The following STAB2 variants were observed in gnomAD, a reference collection of about 807,000 sequenced individuals.
The protein encoded by STAB2 is stabilin-2.
Under a neutral mutation model 338.1 loss-of-function variants are expected in STAB2, and 288 were observed. The ratio of observed to expected loss-of-function variants is 0.85; its 90% CI spans 0.77 to 0.94. The LOEUF is 0.94. Among genes scored for constraint, STAB2 ranks in the 40% least tolerant of loss-of-function variants. The pLI is 0.00. For synonymous variants in STAB2, 1,202 were observed against 1,193.3 expected (o/e 1.01, Z -0.15); for missense variants, 3,141 against 3,210.1 (o/e 0.98, Z 0.52).
At chr12:103,661,193 G>A (rs1874575429) in intron 17 of STAB2, among the ~76,000 whole-genome samples, 1 of 140,460 alleles carries the variant, frequency 7.1e-6, no homozygotes, top group South Asian at 2.4e-4. Context: ...AATTGGACAG[G>A]GATCAGTAGA....
chr12:103,719,508 CTG>C (rs991508661), intron 44 of STAB2, among the ~76,000 whole-genome samples: 1 of 152,208 alleles, frequency 6.6e-6, no homozygotes, highest in African/African-American at 2.4e-5. Flanking sequence ...TCTGAAGGCT[CTG>C]TGGGAAAATC....
At chr12:103,742,676 C>T (rs1260992069) in intron 56 of STAB2, 122 bp downstream of exon 56, 1 of 1,455,120 alleles carries the variant, frequency 6.9e-7, no homozygotes, top group Non-Finnish European at 9.4e-7. Flanking sequence ...CACACCCCTC[C>T]AATCTGCCTG....
chr12:103,620,554 G>GT lies in STAB2; in HGVS notation c.417+2dup. 6.4e-7 allele frequency: 1 copy of GT among 1,559,332 alleles called. No individual in the cohort carries two copies. The highest frequency in any genetic ancestry group is 8.7e-7 in the Non-Finnish European group (1 of 1,150,646). ...AGGAAATGGAACCTGCTCCTGCCAAGTAAGTTCAAAAATGTGTTCTTCCTT... is the reference window on the plus strand; with the variant it reads ...AGGAAATGGAACCTGCTCCTGCCAAGTTAAGTTCAAAAATGTGTTCTTCCTT... On this transcript the variant is annotated splice_donor_variant, in intron 4 of 68. Transcript: ENST00000388887. LOFTEE classifies it high-confidence loss of function.
At chr12:103,629,518 T>TGCTG (rs762462225) in intron 5 of STAB2, among the ~76,000 whole-genome samples, 11 of 152,338 alleles carry the variant, frequency 7.2e-5, no homozygotes, top group Admixed American at 1.3e-4. Context: ...AAGAAAGTGC[T>TGCTG]GCTGGAGCCA....
At chr12:103,709,969 C>T (rs377214207) in intron 39 of STAB2, among the ~76,000 whole-genome samples, 1 of 152,138 alleles carries the variant, frequency 6.6e-6, no homozygotes, top group Non-Finnish European at 1.5e-5. Context: ...GCTTCCATAC[C>T]TCCTTGTCCC....
chr12:103,667,436 G>A (rs566120076), intron 19 of STAB2, among the ~76,000 whole-genome samples: 32 of 152,300 alleles, frequency 2.1e-4, no homozygotes, highest in African/African-American at 3.6e-4. Context: ...GCAAGGAAAC[G>A]TAAACCACCT....
At chr12:103,641,928 G>A (rs1356096531) in intron 9 of STAB2, among the ~76,000 whole-genome samples, 2 of 152,074 alleles carry the variant, frequency 1.3e-5, no homozygotes, top group Non-Finnish European at 2.9e-5. Context: ...AGTTCATCTG[G>A]GATAAAAATT....
At chr12:103,665,493 G>A (rs1046483645) in intron 18 of STAB2, among the ~76,000 whole-genome samples, 1 of 152,144 alleles carries the variant, frequency 6.6e-6, no homozygotes, top group African/African-American at 2.4e-5. Flanking sequence ...ACTGCAACTA[G>A]GGACCAAAGA....
intron 3 of STAB2, among the ~76,000 whole-genome samples, chr12:103,607,218 T>G (rs374050116): frequency 4.1e-4 from 62 of 152,262 alleles, no homozygotes; most frequent in African/African-American, 1.4e-3. Flanking sequence ...TTTGGAAATT[T>G]TGGCCACATT....
chr12:103,592,968 T>C (rs1956822420), intron 2 of STAB2, among the ~76,000 whole-genome samples: 1 of 152,212 alleles, frequency 6.6e-6, no homozygotes, highest in African/African-American at 2.4e-5. Flanking sequence ...TCCTCTAGGT[T>C]CATCCATGTT....
At chr12:103,625,985 AG>A (rs1455068469) in intron 5 of STAB2, among the ~76,000 whole-genome samples, 2 of 152,284 alleles carry the variant, frequency 1.3e-5, no homozygotes, top group Admixed American at 6.5e-5. Flanking sequence ...ACAGTGTAAA[AG>A]TGTTCCTATT....
At chr12:103,722,320 C>T (rs1165116673) in intron 44 of STAB2, among the ~76,000 whole-genome samples, 1 of 152,162 alleles carries the variant, frequency 6.6e-6, no homozygotes, top group African/African-American at 2.4e-5. Context: ...GAAAATGTTT[C>T]AAGAGGAGTG....
intron 20 of STAB2, 83 bp downstream of exon 20, chr12:103,668,812 C>A: frequency 7.7e-7 from 1 of 1,301,150 alleles, no homozygotes; most frequent in Non-Finnish European, 1.0e-6. Flanking sequence ...CTAGGGTCCA[C>A]GTGGTCACAG....
chr12:103,602,882 A>T (rs79205010), intron 3 of STAB2, among the ~76,000 whole-genome samples: 4,001 of 152,262 alleles, frequency 0.026, 92 homozygotes, highest in Non-Finnish European at 0.036. Context: ...AAGAGAAAAC[A>T]TTCTTAATTT....
At chr12:103,697,606 C>T (rs1878514105) in intron 33 of STAB2, among the ~76,000 whole-genome samples, 3 of 152,196 alleles carry the variant, frequency 2.0e-5, no homozygotes, top group Admixed American at 6.5e-5. Flanking sequence ...TTCCTCCCTC[C>T]CTGCTCCACA....
At position 103,698,718 on chromosome 12, in the gene STAB2, A is replaced by G. The variant is rs552336427; in HGVS notation, c.3583-378A>G. 2.7e-4 allele frequency among the ~76,000 whole-genome samples: 41 copies of G among 152,122 alleles called. 1 individual carries two copies. Among genetic ancestry groups the G allele is most frequent in the Non-Finnish European group, 5.7e-4 (39 of 68,006 alleles). ...ACGAGACACAGATCAAGGTCCTTGGAGCATCCTAGTGAAGCTCCTCTCGTG... is the reference window on the plus strand; with the variant it reads ...ACGAGACACAGATCAAGGTCCTTGGGGCATCCTAGTGAAGCTCCTCTCGTG... On this transcript the variant is annotated intron_variant, in intron 33 of 68. Transcript: ENST00000388887.
At chr12:103,752,777 A>T (rs1883778943) in intron 60 of STAB2, among the ~76,000 whole-genome samples, 1 of 152,218 alleles carries the variant, frequency 6.6e-6, no homozygotes, top group South Asian at 2.1e-4. Flanking sequence ...TTTTAAAAAG[A>T]TTTATGAAAA....
intron 34 of STAB2, among the ~76,000 whole-genome samples, chr12:103,699,888 A>G (rs145660088): frequency 1.0e-3 from 159 of 152,268 alleles, no homozygotes; most frequent in African/African-American, 3.7e-3. Context: ...AACAAACCCA[A>G]CAGATGGCCC....
At chr12:103,649,603 A>G (rs553267006) in intron 10 of STAB2, among the ~76,000 whole-genome samples, 14 of 152,248 alleles carry the variant, frequency 9.2e-5, no homozygotes, top group Non-Finnish European at 1.9e-4. Flanking sequence ...TCTCCCAGCA[A>G]GAACATAGAT....
Sources: allele counts gnomAD v4.1 joint callset (sites outside exome capture counted in the v4.1 genomes callset), GRCh38; gene constraint gnomAD v4.1.1; transcripts MANE v1.5; gene names NCBI Gene and HGNC (gene_info 2026-07-23, HGNC 2026-07-21).